The following RAD17 variants were observed in gnomAD, a reference collection of about 807,000 sequenced individuals.
RAD17 encodes the protein cell cycle checkpoint protein RAD17.
In RAD17, 31 loss-of-function variants were observed where a neutral mutation model predicts 81.5. The ratio of observed to expected loss-of-function variants is 0.38; its 90% CI spans 0.29 to 0.51. RAD17 has a LOEUF of 0.51. Ranked by LOEUF, RAD17 falls within the 20% of genes least tolerant of loss-of-function variation. The probability of loss-of-function intolerance (pLI) is 0.88; values close to 1 mark genes in which losing one functional copy is unlikely to be tolerated. For missense variants in RAD17, 681 were observed against 781.2 expected, an observed-to-expected ratio of 0.87 and a Z score of 1.53; for synonymous variants, 261 against 266.2, an observed-to-expected ratio of 0.98 and a Z score of 0.19.
At chr5:69,402,930 G>A (rs1248029340) in intron 17 of RAD17, among the ~76,000 whole-genome samples, 2 of 37,910 alleles carry the variant, frequency 5.3e-5, no homozygotes, top group African/African-American at 8.6e-5. Context: ...AATCAAATCA[G>A]GAAATTAACT....
intron 11 of RAD17, among the ~76,000 whole-genome samples, 197 bp downstream of exon 11, chr5:69,386,662 C>T (rs1764233181): frequency 6.6e-6 from 1 of 152,132 alleles, no homozygotes; most frequent in Non-Finnish European, 1.5e-5. Flanking sequence ...ATTAAACTTT[C>T]ACTTTCACAT....
upstream of RAD17, chr5:69,369,536 G>C (rs1251688243): frequency 6.8e-6 from 11 of 1,611,084 alleles, no homozygotes; most frequent in Non-Finnish European, 9.3e-6. Context: ...CGTGCCCTTT[G>C]CTCTACAGGG....
At chr5:69,410,741 G>T (rs1034030505) in intron 18 of RAD17, among the ~76,000 whole-genome samples, 191 bp downstream of exon 18, 18 of 151,668 alleles carry the variant, frequency 1.2e-4, no homozygotes, top group Non-Finnish European at 2.5e-4. Context: ...ACTCCCAATG[G>T]ACTATACCAG....
intron 6 of RAD17, among the ~76,000 whole-genome samples, chr5:69,375,729 A>G (rs1241532828): frequency 2.6e-5 from 4 of 152,110 alleles, no homozygotes; most frequent in African/African-American, 9.7e-5. Flanking sequence ...TGATGAATTC[A>G]TATTCACGTT....
intron 7 of RAD17, among the ~76,000 whole-genome samples, chr5:69,382,366 G>T (rs1763909029): frequency 6.6e-6 from 1 of 152,182 alleles, no homozygotes; most frequent in African/African-American, 2.4e-5. Flanking sequence ...GATCACTTGA[G>T]CCCATGAGTT....
chr5:69,381,517 A>G (rs970543618), intron 6 of RAD17, among the ~76,000 whole-genome samples: 18 of 152,084 alleles, frequency 1.2e-4, no homozygotes, highest in African/African-American at 3.9e-4. Flanking sequence ...AGTTCAGGTA[A>G]CCTCTAAAAA....
rs540236267 is a variant in RAD17, at chr5:69,405,869, C to T, written c.1694-4624C>T. On this transcript the variant is annotated intron_variant, in intron 17 of 18. Transcript: ENST00000354868. ...CAGCCTGGCAAACATGGTGAAACCC[C>T]GTCTCTACCAAAAATATAAAAAATT... 9.9e-5 allele frequency among the ~76,000 whole-genome samples: 15 copies of T among 151,922 alleles called. 1 individual carries two copies. In the South Asian group the frequency reaches 2.9e-3, roughly 30 times the overall value.
At position 69,393,285 on chromosome 5, in the gene RAD17, T is replaced by A. The variant is rs17236443; in HGVS notation, c.1275+45T>A. ...TTAGTATAGGTTACAAAGGATATATTATTCGTGTGCATATATATTTGACCA... is the reference window on the plus strand; with the variant it reads ...TTAGTATAGGTTACAAAGGATATATAATTCGTGTGCATATATATTTGACCA... On this transcript the variant is annotated intron_variant, in intron 14 of 18. Transcript: ENST00000354868. 7 of 1,565,410 alleles carry A rather than the reference T, an allele frequency of 4.5e-6. No individual in the cohort carries two copies. In the South Asian group the frequency reaches 8.0e-5, roughly 18 times the overall value.
chr5:69,379,751 C>A (rs1763729533), intron 6 of RAD17, among the ~76,000 whole-genome samples: 2 of 152,094 alleles, frequency 1.3e-5, no homozygotes, highest in Admixed American at 6.6e-5. Flanking sequence ...CACTGTCTTC[C>A]ACCTCTATGT....
At chr5:69,380,142 A>G (rs1763760189) in intron 6 of RAD17, among the ~76,000 whole-genome samples, 1 of 152,048 alleles carries the variant, frequency 6.6e-6, no homozygotes, top group Admixed American at 6.6e-5. Flanking sequence ...CGGCCTCCCA[A>G]AGTGCTGGGA....
chr5:69,390,823 TG>T (rs1180117685), intron 12 of RAD17, among the ~76,000 whole-genome samples: 1 of 150,954 alleles, frequency 6.6e-6, no homozygotes, highest in African/African-American at 2.4e-5. Context: ...GCCAGCATGG[TG>T]GTGCATGTAG....
chr5:69,393,142 A>C lies in RAD17; in HGVS notation c.1190-13A>C. 1 of 1,567,824 alleles carries C rather than the reference A, an allele frequency of 6.4e-7. No homozygotes were observed. Among genetic ancestry groups the C allele is most frequent in the Non-Finnish European group, 8.7e-7 (1 of 1,146,474 alleles). On this transcript the variant is annotated splice_polypyrimidine_tract_variant and intron_variant, in intron 13 of 18. Coordinates refer to ENST00000354868, the MANE Select transcript of RAD17 (RefSeq NM_133338.3). ...AAGGTATTATCTTTAATAATTCCAG[A>C]AATTTTTTATAGGAGCATCTTTAAC...
intron 17 of RAD17, among the ~76,000 whole-genome samples, chr5:69,403,917 G>A (rs1257281318): frequency 2.0e-5 from 3 of 149,820 alleles, no homozygotes; most frequent in Non-Finnish European, 3.0e-5. Context: ...GTGACAGGGT[G>A]AGGATGAGAC....
At chr5:69,393,311 T>C (rs775239051) in intron 14 of RAD17, 43 bp from the exon 15 acceptor site, 10 of 1,574,062 alleles carry the variant, frequency 6.4e-6, no homozygotes, top group South Asian at 2.3e-5. Context: ...TATTTGACCA[T>C]TGCATTTTTA....
intron 4 of RAD17, 120 bp from the exon 5 acceptor site, chr5:69,373,710 T>C (rs1160525876): frequency 2.0e-6 from 1 of 493,628 alleles, no homozygotes; most frequent in Non-Finnish European, 2.9e-6. Flanking sequence ...TTTTTTTTTT[T>C]TTTTTTAAGT....
At chr5:69,395,360 A>C (rs1013451520) in intron 15 of RAD17, among the ~76,000 whole-genome samples, 1 of 152,050 alleles carries the variant, frequency 6.6e-6, no homozygotes, top group African/African-American at 2.4e-5. Context: ...GAGATTTTAA[A>C]AATTAGCTGG....
intron 8 of RAD17, 64 bp from the exon 9 acceptor site, chr5:69,385,979 A>G (rs922243739): frequency 1.4e-6 from 2 of 1,383,788 alleles, no homozygotes; most frequent in Non-Finnish European, 1.9e-6. Context: ...AATAAATATA[A>G]ATTTGAAAAA....
chr5:69,406,961 ATT>A (rs1466574359), intron 17 of RAD17, among the ~76,000 whole-genome samples: 2 of 150,544 alleles, frequency 1.3e-5, no homozygotes, highest in African/African-American at 4.9e-5. Flanking sequence ...AATATATACA[ATT>A]TTGTTTGTTA....
chr5:69,385,772 G>T (rs768403260), intron 8 of RAD17, among the ~76,000 whole-genome samples: 2 of 152,106 alleles, frequency 1.3e-5, no homozygotes, highest in Non-Finnish European at 2.9e-5. Flanking sequence ...AATGGTTTAA[G>T]TATAGAAAAA....
Sources: gnomAD v4.1 joint callset for allele counts (sites outside exome capture counted in the v4.1 genomes callset) on GRCh38, gnomAD v4.1.1 for gene constraint, MANE v1.5 for transcripts, NCBI Gene and HGNC (gene_info 2026-07-23, HGNC 2026-07-21) for gene names.